The following AKAP7 variants were observed in gnomAD, a reference collection of about 807,000 sequenced individuals.
AKAP7 encodes A kinase (PRKA) anchor protein 7.
AKAP7 carries 39 observed loss-of-function variants against 39.5 expected under a neutral mutation model. The ratio of observed to expected loss-of-function variants is 0.99; its 90% CI spans 0.76 to 1.29. The LOEUF is 1.29. AKAP7 is among the 50% of genes most tolerant of loss of function. The pLI is 0.00. For missense variants in AKAP7, 414 were observed against 407.7 expected (o/e 1.02, Z -0.13); for synonymous variants, 140 against 139.1 (o/e 1.01, Z -0.05).
intron 5 of AKAP7, chr6:131,184,909 TC>T: frequency 1.0e-6 from 1 of 962,934 alleles, no homozygotes; most frequent in East Asian, 2.4e-5. Flanking sequence ...AGCATCCAGC[TC>T]CTTATGGGCA....
chr6:131,151,904 A>G lies in AKAP7; in HGVS notation c.151+6488A>G, dbSNP rs17060068. ...CATTCTCAGCCTTTTAGCTAAGAGT[A>G]AGTGTGAAAACAGTGAACCCACTAT... On this transcript the variant is annotated intron_variant, in intron 2 of 7. Coordinates refer to ENST00000431975, the MANE Select transcript of AKAP7 (RefSeq NM_016377.4). Among the ~76,000 whole-genome samples the G allele has an allele frequency of 0.01, 1,532 of 152,340 alleles. 116 individuals carry two copies. In the East Asian group the frequency reaches 0.18, roughly 18 times the overall value.
At position 131,255,235 on chromosome 6, in the gene AKAP7, C is replaced by A. The variant is rs1179876182; in HGVS notation, c.851-26295C>A. 2.0e-5 allele frequency among the ~76,000 whole-genome samples: 3 copies of A among 152,148 alleles called. No homozygotes were observed. In the East Asian group the frequency reaches 5.8e-4, roughly 29 times the overall value. Reference sequence around the variant, plus strand: ...GTACATCTCTCTTAGTGGCACCAGACCCTAACATAGCGTGTTACCCAGAGG... The same window carrying A: ...GTACATCTCTCTTAGTGGCACCAGAACCTAACATAGCGTGTTACCCAGAGG... On this transcript the variant is annotated intron_variant, in intron 7 of 7. Coordinates refer to ENST00000431975, the MANE Select transcript of AKAP7 (RefSeq NM_016377.4).
intron 7 of AKAP7, among the ~76,000 whole-genome samples, chr6:131,229,004 T>C (rs1294632930): frequency 6.6e-6 from 1 of 152,228 alleles, no homozygotes; most frequent in African/African-American, 2.4e-5. Flanking sequence ...GGAGGTATGC[T>C]TGAGGCACTT....
At chr6:131,148,287 G>T (rs1194209615) in intron 2 of AKAP7, among the ~76,000 whole-genome samples, 1 of 152,200 alleles carries the variant, frequency 6.6e-6, no homozygotes, top group Non-Finnish European at 1.5e-5. Flanking sequence ...GTCTTTGTGG[G>T]TTAGTCTAGA....
At chr6:131,166,074 A>G (rs1335678141) in intron 4 of AKAP7, among the ~76,000 whole-genome samples, 1 of 152,224 alleles carries the variant, frequency 6.6e-6, no homozygotes, top group Non-Finnish European at 1.5e-5. Context: ...AGACATTAAT[A>G]ACTCAAAATA....
In AKAP7 at chr6:131,250,417, C is replaced by T. The variant is rs536493124; in HGVS notation, c.850+30609C>T. The T allele has an allele frequency of 2.7e-5, 39 of 1,460,306 alleles. No homozygotes were observed. The Middle Eastern group carries it at 7.2e-4, about 27-fold the overall frequency. 90.5% of individuals were successfully genotyped at this position (1,460,306 alleles called of 1,614,324 possible). On this transcript the variant is annotated intron_variant, in intron 7 of 7. Coordinates refer to ENST00000431975, the MANE Select transcript of AKAP7 (RefSeq NM_016377.4). ...AAGTTCCCTTCTCCTTTCTCTCCCC[C>T]GGCGGCGTGTGCATTGGCTCTTCAA...
At chr6:131,216,163 T>A (rs13217926) in intron 6 of AKAP7, among the ~76,000 whole-genome samples, 12 of 152,244 alleles carry the variant, frequency 7.9e-5, no homozygotes, top group Non-Finnish European at 1.5e-4. Context: ...AGGTTTGTCA[T>A]AGAAATTAAA....
chr6:131,159,609 C>A (rs537259432), intron 2 of AKAP7, among the ~76,000 whole-genome samples: 79 of 152,264 alleles, frequency 5.2e-4, no homozygotes, highest in Non-Finnish European at 1.1e-3. Flanking sequence ...GTGACAGTGG[C>A]CCCAGACCAA....
rs749601887 is a variant in AKAP7 at position 131,241,577 on chromosome 6, ATGTGTGTGTGTGTGTG to A, written c.850+21805_850+21820del. ...GAGGTCCAGGACATAGATTATATAT[ATGTGTGTGTGTGTGTG>A]TGTGTGTGTGTGTGTGTGTGTGTGT... On this transcript the variant is annotated intron_variant, in intron 7 of 7. Transcript: ENST00000431975. Among the ~76,000 whole-genome samples the A allele has an allele frequency of 4.0e-3, 329 of 81,310 alleles. 8 individuals are homozygous for A. Among genetic ancestry groups the A allele is most frequent in the Non-Finnish European group, 6.3e-3 (268 of 42,348 alleles). The allele number at this position is 81,310 out of a possible 152,430, so 53.3% of individuals were successfully genotyped here. A position where few individuals can be genotyped will look rare whatever the true frequency, so the allele number is the denominator to read the frequency against.
intron 2 of AKAP7, among the ~76,000 whole-genome samples, chr6:131,148,101 A>C (rs958808171): frequency 6.6e-6 from 1 of 152,192 alleles, no homozygotes. Context: ...GAGGATGTGC[A>C]TTGGAGGGAT....
chr6:131,271,651 A>G (rs1814293005), intron 7 of AKAP7, among the ~76,000 whole-genome samples: 2 of 152,048 alleles, frequency 1.3e-5, no homozygotes, highest in African/African-American at 4.8e-5. Flanking sequence ...TTTTTTAACA[A>G]ATACTATTCA....
At chr6:131,220,148 C>T (rs1319930088) in intron 7 of AKAP7, among the ~76,000 whole-genome samples, 2 of 152,168 alleles carry the variant, frequency 1.3e-5, no homozygotes, top group Non-Finnish European at 2.9e-5. Context: ...TGACCTTCCA[C>T]AACTGGCATT....
Position 131,245,883 on chromosome 6 carries a change from T to C in AKAP7, c.850+26075T>C, listed in dbSNP as rs146718740. On this transcript the variant is annotated intron_variant, in intron 7 of 7. Transcript: ENST00000431975. Reference sequence around the variant, plus strand: ...TCTCTCCTCTCTTTTGAATACAAGATATTTACCATGTTTTTCCTTCTCATG... The same window carrying C: ...TCTCTCCTCTCTTTTGAATACAAGACATTTACCATGTTTTTCCTTCTCATG... Among the ~76,000 whole-genome samples the C allele has an allele frequency of 6.2e-3, 950 of 152,258 alleles. 11 individuals carry two copies. The highest frequency in any genetic ancestry group is 0.021 in the African/African-American group (888 of 41,550).
chr6:131,241,627 G>GTGTGTATATATACGTATA, intron 7 of AKAP7, among the ~76,000 whole-genome samples: 6 of 86,638 alleles, frequency 6.9e-5, no homozygotes, highest in African/African-American at 1.0e-4. Flanking sequence ...GTGTGTGTGT[G>GTGTGTATATATACGTATA]TATATATATA....
At chr6:131,225,980 A>G (rs975057626) in intron 7 of AKAP7, among the ~76,000 whole-genome samples, 4 of 152,192 alleles carry the variant, frequency 2.6e-5, no homozygotes, top group African/African-American at 9.7e-5. Flanking sequence ...TGCCAATACT[A>G]GTGTGATTTT....
At chr6:131,228,915 T>G (rs1298929467) in intron 7 of AKAP7, among the ~76,000 whole-genome samples, 2 of 152,244 alleles carry the variant, frequency 1.3e-5, no homozygotes, top group Non-Finnish European at 2.9e-5. Context: ...ATGTTCTTGC[T>G]GAGTAGCAAA....
intron 7 of AKAP7, among the ~76,000 whole-genome samples, chr6:131,237,737 G>A (rs1373421637): frequency 1.3e-5 from 2 of 152,040 alleles, no homozygotes; most frequent in Non-Finnish European, 2.9e-5. Context: ...TATTTCTGTG[G>A]GATCAGCGGT....
intron 7 of AKAP7, among the ~76,000 whole-genome samples, chr6:131,228,168 C>T (rs1810338483): frequency 6.6e-6 from 1 of 152,054 alleles, no homozygotes; most frequent in African/African-American, 2.4e-5. Context: ...AAGATAGTAA[C>T]CATTGTTTGA....
chr6:131,193,620 A>G (rs1806632667), intron 5 of AKAP7, among the ~76,000 whole-genome samples: 1 of 152,074 alleles, frequency 6.6e-6, no homozygotes, highest in Middle Eastern at 3.2e-3. Flanking sequence ...GAGTAGTTTC[A>G]ATAGGATTGG....
Sources: allele counts gnomAD v4.1 joint callset (sites outside exome capture counted in the v4.1 genomes callset), GRCh38; gene constraint gnomAD v4.1.1; transcripts MANE v1.5; gene names NCBI Gene and HGNC (gene_info 2026-07-23, HGNC 2026-07-21).